The following ADRA1B variants were observed in gnomAD, a reference collection of about 807,000 sequenced individuals.
ADRA1B encodes alpha-1B adrenergic receptor.
In ADRA1B, 17 loss-of-function variants were observed where a neutral mutation model predicts 17.9. The observed-to-expected ratio is 0.95, with a 90% confidence interval of 0.65 to 1.42. ADRA1B has a LOEUF of 1.42. ADRA1B is among the 40% of genes most tolerant of loss of function. ADRA1B has a pLI of 0.00. For synonymous variants in ADRA1B, 366 were observed against 327.6 expected, an observed-to-expected ratio of 1.12 and a Z score of -1.27; for missense variants, 681 against 722.1, an observed-to-expected ratio of 0.94 and a Z score of 0.65.
intron 1 of ADRA1B, among the ~76,000 whole-genome samples, chr5:159,904,199 G>A (rs561702786): frequency 6.6e-6 from 1 of 152,194 alleles, no homozygotes; most frequent in East Asian, 1.9e-4. Flanking sequence ...TAAGACTATG[G>A]GTCTGGACAT....
upstream of ADRA1B, among the ~76,000 whole-genome samples, chr5:159,914,517 G>C (rs1354695478): frequency 1.3e-5 from 2 of 152,066 alleles, no homozygotes; most frequent in African/African-American, 4.8e-5. Flanking sequence ...TACAGCTTAG[G>C]GCAATTTAAT....
At chr5:159,939,286 T>G (rs1426111694) in intron 1 of ADRA1B, among the ~76,000 whole-genome samples, 1 of 117,716 alleles carries the variant, frequency 8.5e-6, no homozygotes, top group Non-Finnish European at 1.7e-5. Flanking sequence ...AGAGTGTGTG[T>G]GTGTGTGTGT....
At chr5:159,951,324 G>A in intron 1 of ADRA1B, 1 of 1,332,438 alleles carries the variant, frequency 7.5e-7, no homozygotes, top group Non-Finnish European at 1.1e-6. Context: ...AGCCTTGACA[G>A]TGCCATGGAA....
At chr5:159,942,349 A>T (rs1475856747) in intron 1 of ADRA1B, among the ~76,000 whole-genome samples, 3 of 152,150 alleles carry the variant, frequency 2.0e-5, no homozygotes, top group African/African-American at 7.2e-5. Context: ...ATGGTATGGG[A>T]ATTATATAGC....
intron 1 of ADRA1B, among the ~76,000 whole-genome samples, chr5:159,921,666 A>G (rs187802850): frequency 1.4e-4 from 22 of 152,352 alleles, no homozygotes; most frequent in South Asian, 2.1e-4. Flanking sequence ...GGCACCAGGA[A>G]GCCATTATTG....
At chr5:159,907,983 A>ACG (rs1754180954) in intron 1 of ADRA1B, among the ~76,000 whole-genome samples, 1 of 151,724 alleles carries the variant, frequency 6.6e-6, no homozygotes. Flanking sequence ...ACACACACAC[A>ACG]CAGAGTTGGT....
chr5:159,916,700 C>G lies in ADRA1B; in HGVS notation c.-206C>G. ...CGCCTCGTCCCCTCTCCTCCTCCTC[C>G]TCCCTCTGACAGGCGAGCGAGCGAC... is the stretch of plus-strand genomic sequence containing the variant. On this transcript the variant is annotated 5_prime_UTR_variant, in exon 1 of 2. Coordinates refer to ENST00000306675, the MANE Select transcript of ADRA1B (RefSeq NM_000679.4). The G allele has an allele frequency of 1.8e-6, 1 of 567,620 alleles. No individual in the cohort carries two copies. The highest frequency in any genetic ancestry group is 3.1e-6 in the Non-Finnish European group (1 of 322,298). 35.2% of individuals were successfully genotyped at this position (567,620 alleles called of 1,614,324 possible).
At chr5:159,962,228 G>C (rs377341500) in intron 1 of ADRA1B, among the ~76,000 whole-genome samples, 1 of 152,070 alleles carries the variant, frequency 6.6e-6, no homozygotes, top group Non-Finnish European at 1.5e-5. Flanking sequence ...AGAATAAAAA[G>C]ATTCCTCCAT....
chr5:159,911,570 C>G (rs1408610751), upstream of ADRA1B, among the ~76,000 whole-genome samples: 1 of 152,176 alleles, frequency 6.6e-6, no homozygotes, highest in East Asian at 1.9e-4. Flanking sequence ...CTCTGCCTTA[C>G]CAGGGAGTGC....
chr5:159,931,507 T>C (rs541597471), intron 1 of ADRA1B, among the ~76,000 whole-genome samples: 131 of 152,278 alleles, frequency 8.6e-4, no homozygotes, highest in African/African-American at 2.9e-3. Context: ...TTTATTCGTT[T>C]CAAAATGAGA....
the ADRA1B span, among the ~76,000 whole-genome samples, chr5:159,979,731 G>A: frequency 4.2e-3 from 638 of 152,230 alleles, 3 homozygotes; most frequent in Middle Eastern, 0.014. Flanking sequence ...AGCTAGGCGT[G>A]GTGGCACCTG....
intron 1 of ADRA1B, among the ~76,000 whole-genome samples, chr5:159,893,296 A>AGGC (rs1196690935): frequency 5.3e-5 from 8 of 150,090 alleles, no homozygotes; most frequent in South Asian, 2.1e-4. Context: ...AGTTGATGCC[A>AGGC]AGTTGGATGA....
intron 1 of ADRA1B, among the ~76,000 whole-genome samples, chr5:159,905,981 A>G (rs188695484): frequency 2.0e-4 from 31 of 152,176 alleles, no homozygotes; most frequent in African/African-American, 5.1e-4. Context: ...CAGCCTCCCA[A>G]ATAGCTGGGA....
intron 1 of ADRA1B, chr5:159,951,625 G>A: frequency 2.6e-6 from 1 of 386,466 alleles, no homozygotes; most frequent in Non-Finnish European, 4.9e-6. Flanking sequence ...CTGTGAGACA[G>A]GGGCAAAGAA....
the ADRA1B span, among the ~76,000 whole-genome samples, chr5:159,986,724 G>A: frequency 1.3e-5 from 2 of 152,198 alleles, no homozygotes; most frequent in Non-Finnish European, 2.9e-5. Flanking sequence ...GCATTGCACA[G>A]ATGGTCAGTG....
chr5:159,964,664 A>T (rs1215417218), intron 1 of ADRA1B, among the ~76,000 whole-genome samples: 1 of 152,170 alleles, frequency 6.6e-6, no homozygotes, highest in African/African-American at 2.4e-5. Flanking sequence ...TAACCAAGAA[A>T]ATATAGGAAT....
At chr5:159,988,372 G>A in the ADRA1B span, among the ~76,000 whole-genome samples, 3 of 152,200 alleles carry the variant, frequency 2.0e-5, no homozygotes, top group Non-Finnish European at 2.9e-5. Flanking sequence ...CTCCAGAACT[G>A]CAAGAGAATC....
At chr5:159,971,557 G>A (rs963564756) in intron 1 of ADRA1B, among the ~76,000 whole-genome samples, 4 of 152,152 alleles carry the variant, frequency 2.6e-5, no homozygotes, top group Admixed American at 1.3e-4. Flanking sequence ...GCAATTGTGG[G>A]CGATTATTGT....
At chr5:159,977,120 TA>T (rs1755984447), downstream of ADRA1B, among the ~76,000 whole-genome samples, 1 of 152,164 alleles carries the variant, frequency 6.6e-6, no homozygotes, top group Admixed American at 6.5e-5. Context: ...AAGAATGTAA[TA>T]AAAGCTAAAG....
Sources: allele counts gnomAD v4.1 joint callset (sites outside exome capture counted in the v4.1 genomes callset), GRCh38; gene constraint gnomAD v4.1.1; transcripts MANE v1.5; gene names NCBI Gene and HGNC (gene_info 2026-07-23, HGNC 2026-07-21).